Variants in NEMP2 observed in about 807,000 individuals in gnomAD.
NEMP2 encodes nuclear envelope integral membrane protein 2.
NEMP2 carries 53 observed loss-of-function variants against 54.2 expected under a neutral mutation model. That is an observed-to-expected ratio of 0.98 (90% confidence interval 0.78 to 1.23). The LOEUF (loss-of-function observed/expected upper bound fraction) is 1.23, where lower values mean the gene tolerates loss of function less well. Ranked by LOEUF, NEMP2 falls within the 50% of genes most tolerant of loss-of-function variation. The pLI is 0.00. For missense variants in NEMP2, 455 were observed against 511.3 expected (o/e 0.89, Z 1.06); for synonymous variants, 197 against 190.3 (o/e 1.04, Z -0.29).
At chr2:190,584,919 GAAAGAAAGAAAGAAAGA>G in the NEMP2 span, among the ~76,000 whole-genome samples, 1 of 104,620 alleles carries the variant, frequency 9.6e-6, no homozygotes, top group Non-Finnish European at 2.2e-5. This position sits in a 1 kb window ranked among gnomAD's most constrained non-coding sequence, Gnocchi z 4.2. Context: ...AAGAAAGAAA[GAAAGAAAGAAAGAAAGA>G]AAGAAAGAAA....
the NEMP2 span, chr2:190,610,214 A>G: frequency 6.6e-6 from 1 of 152,198 alleles, no homozygotes; most frequent in Non-Finnish European, 1.5e-5. This position sits in a 1 kb window ranked among gnomAD's most constrained non-coding sequence, Gnocchi z 5.4. Context: ...ATGCTTTATT[A>G]TATTTGGCCA....
At chr2:190,630,655 G>C in the NEMP2 span, among the ~76,000 whole-genome samples, 47 of 151,944 alleles carry the variant, frequency 3.1e-4, no homozygotes, top group Non-Finnish European at 5.4e-4. The surrounding 1 kb of genome is among the most constrained non-coding windows in gnomAD (Gnocchi z 5.5). Flanking sequence ...CATTGACCTG[G>C]TTAATTTCAT....
rs1315229767 is a variant in NEMP2, at chr2:190,525,782, T to G, written c.98-404A>C. Among the ~76,000 whole-genome samples, 1 of 152,000 alleles carries G rather than the reference T, an allele frequency of 6.6e-6. No homozygotes were observed. Among genetic ancestry groups the G allele is most frequent in the African/African-American group, 2.4e-5 (1 of 41,360 alleles). ...GCAAGTATGTACAGAATCATGAAAA[T>G]GAGATAAATTATGGAATTAATTCAG... On this transcript the variant is annotated intron_variant, in intron 1 of 8. Coordinates refer to ENST00000409150, the MANE Select transcript of NEMP2 (RefSeq NM_001142645.2). The surrounding 1 kb of genome is among the most constrained non-coding windows in gnomAD (Gnocchi z 5.0).
At chr2:190,583,401 A>G in the NEMP2 span, among the ~76,000 whole-genome samples, 3 of 152,168 alleles carry the variant, frequency 2.0e-5, no homozygotes, top group East Asian at 5.8e-4. Flanking sequence ...TGAGTGGCTA[A>G]CATCTGTATT....
At chr2:190,591,638 T>C in the NEMP2 span, among the ~76,000 whole-genome samples, 1 of 152,192 alleles carries the variant, frequency 6.6e-6, no homozygotes, top group South Asian at 2.1e-4. The surrounding 1 kb of genome is among the most constrained non-coding windows in gnomAD (Gnocchi z 5.4). Context: ...TATGTGACAG[T>C]TCTGATATAC....
chr2:190,645,557 C>T, the NEMP2 span, among the ~76,000 whole-genome samples: 1 of 152,118 alleles, frequency 6.6e-6, no homozygotes, highest in Non-Finnish European at 1.5e-5. Context: ...CTACAAAATA[C>T]AAAATTCTGC....
At chr2:190,431,234 C>T in the NEMP2 span, among the ~76,000 whole-genome samples, 30 of 150,672 alleles carry the variant, frequency 2.0e-4, no homozygotes, top group Admixed American at 2.6e-4. This position sits in a 1 kb window ranked among gnomAD's most constrained non-coding sequence, Gnocchi z 4.4. Context: ...GGCAGCCAGG[C>T]AGAGGGGCTC....
chr2:190,575,978 CTTT>C, the NEMP2 span, among the ~76,000 whole-genome samples: 2 of 143,838 alleles, frequency 1.4e-5, no homozygotes, highest in Admixed American at 6.9e-5. Context: ...TTCTGGTTTA[CTTT>C]TTTTTTTTTT....
the NEMP2 span, among the ~76,000 whole-genome samples, chr2:190,577,502 A>G: frequency 7.2e-5 from 11 of 152,326 alleles, no homozygotes; most frequent in African/African-American, 2.2e-4. The surrounding 1 kb of genome is among the most constrained non-coding windows in gnomAD (Gnocchi z 4.8). Flanking sequence ...TTATTTAGCT[A>G]AACTATCATC....
At chr2:190,478,898 C>T in the NEMP2 span, among the ~76,000 whole-genome samples, 1 of 151,996 alleles carries the variant, frequency 6.6e-6, no homozygotes, top group East Asian at 1.9e-4. Flanking sequence ...CCCAAAACAC[C>T]ACGAGAACTA....
intron 1 of NEMP2, chr2:190,534,331 A>T: frequency 8.4e-7 from 1 of 1,192,708 alleles, no homozygotes; most frequent in Non-Finnish European, 1.0e-6. Context: ...GGTTGCTTCT[A>T]ATTCTAAAAT....
At chr2:190,640,056 T>C in the NEMP2 span, among the ~76,000 whole-genome samples, 2,632 of 152,324 alleles carry the variant, frequency 0.017, 27 homozygotes, top group South Asian at 0.044. Flanking sequence ...CCTTCCATGT[T>C]TATTTAGGTA....
At chr2:190,485,818 C>A in the NEMP2 span, among the ~76,000 whole-genome samples, 1 of 150,430 alleles carries the variant, frequency 6.6e-6, no homozygotes, top group Non-Finnish European at 1.5e-5. The surrounding 1 kb of genome is among the most constrained non-coding windows in gnomAD (Gnocchi z 5.1). Flanking sequence ...AAAAAAAAAA[C>A]CTAGTTAAAA....
rs746373991 is a variant in NEMP2 at position 190,518,915 on chromosome 2, G to A, written c.445+37C>T. 2.5e-5 allele frequency: 38 copies of A among 1,524,646 alleles called. 1 individual carries two copies. The South Asian group carries it at 4.5e-4, about 18-fold the overall frequency. The allele number at this position is 1,524,646 out of a possible 1,614,324, so 94.4% of individuals were successfully genotyped here. ...ATTGAAAAGTTACTCCAGAAAAACT[G>A]AATCCAGAAAGTCAAGTATAATAAA... is the stretch of plus-strand genomic sequence containing the variant. On this transcript the variant is annotated intron_variant, in intron 3 of 8. Coordinates refer to ENST00000409150, the MANE Select transcript of NEMP2 (RefSeq NM_001142645.2).
the NEMP2 span, among the ~76,000 whole-genome samples, chr2:190,645,174 C>T: frequency 1.3e-4 from 20 of 152,068 alleles, no homozygotes; most frequent in Non-Finnish European, 2.8e-4. Flanking sequence ...CTCTGTCTTG[C>T]CCTTACTTTT....
chr2:190,476,948 G>A, the NEMP2 span, among the ~76,000 whole-genome samples: 1 of 150,448 alleles, frequency 6.6e-6, no homozygotes, highest in Non-Finnish European at 1.5e-5. Context: ...GCAAACTATT[G>A]TAAGGACAAA....
the NEMP2 span, among the ~76,000 whole-genome samples, chr2:190,424,272 T>G: frequency 1.3e-5 from 2 of 152,008 alleles, no homozygotes; most frequent in African/African-American, 4.8e-5. This position sits in a 1 kb window ranked among gnomAD's most constrained non-coding sequence, Gnocchi z 5.9. Context: ...AGTTTCAAAT[T>G]GTATAGTTAA....
the NEMP2 span, chr2:190,626,547 A>T: frequency 6.6e-6 from 1 of 152,182 alleles, no homozygotes; most frequent in African/African-American, 2.4e-5. The surrounding 1 kb of genome is among the most constrained non-coding windows in gnomAD (Gnocchi z 4.5). Flanking sequence ...AGTTGCTCAC[A>T]ATGCTTTATA....
chr2:190,425,530 T>C, the NEMP2 span, among the ~76,000 whole-genome samples: 7 of 152,342 alleles, frequency 4.6e-5, no homozygotes, highest in African/African-American at 1.7e-4. The surrounding 1 kb of genome is among the most constrained non-coding windows in gnomAD (Gnocchi z 4.3). Context: ...TCTGAGACTT[T>C]TACCTCAGAA....
Sources: allele counts gnomAD v4.1 joint callset (sites outside exome capture counted in the v4.1 genomes callset), GRCh38; gene constraint gnomAD v4.1.1; non-coding constraint Gnocchi (gnomAD v3.1); transcripts MANE v1.5; gene names NCBI Gene and HGNC (gene_info 2026-07-23, HGNC 2026-07-21).